RNH1: variants seen among roughly 807,000 people sequenced by gnomAD.
RNH1 encodes ribonuclease/angiogenin inhibitor 1, also known as ribonuclease inhibitor.
A neutral mutation model predicts 46.1 loss-of-function variants in RNH1; 38 were observed. That is an observed-to-expected ratio of 0.82 (90% CI 0.64 to 1.08). The LOEUF is 1.08. RNH1 is among the 50% of genes least tolerant of loss of function. The probability of loss-of-function intolerance (pLI) is 0.00; values close to 1 mark genes in which losing one functional copy is unlikely to be tolerated. For synonymous variants in RNH1, 319 were observed against 279.1 expected, an observed-to-expected ratio of 1.14 and a Z score of -1.43; for missense variants, 577 against 590.7, an observed-to-expected ratio of 0.98 and a Z score of 0.24.
chr11:496,601 G>A (rs190662478), intron 9 of RNH1, among the ~76,000 whole-genome samples: 85 of 152,214 alleles, frequency 5.6e-4, no homozygotes, highest in Non-Finnish European at 3.2e-4. Flanking sequence ...CTTGGGAGGC[G>A]GAGCTTGCAG....
intron 9 of RNH1, among the ~76,000 whole-genome samples, chr11:496,625 C>T (rs1254646803): frequency 1.3e-5 from 2 of 152,080 alleles, no homozygotes; most frequent in Admixed American, 6.6e-5. Flanking sequence ...GCCAAGATCG[C>T]ACCACTGCAC....
In RNH1 at chr11:495,074, G is replaced by A. The variant is rs111733399; in HGVS notation, c.1128-21C>T. 1.6e-3 allele frequency: 2,629 copies of A among 1,597,616 alleles called. 56 individuals carry two copies. The African/African-American group carries it at 0.03, about 18-fold the overall frequency. On this transcript the variant is annotated intron_variant, in intron 9 of 10. Coordinates refer to ENST00000354420, the MANE Select transcript of RNH1 (RefSeq NM_203387.3). Reference sequence around the variant, plus strand: ...CCAACCTGGGTGAAGCAGGGCGGGGGTCAGGGTGCCGGGCGTGCCTGGCAC... The same window carrying A: ...CCAACCTGGGTGAAGCAGGGCGGGGATCAGGGTGCCGGGCGTGCCTGGCAC...
At position 494,657 on chromosome 11, in the gene RNH1, C is replaced by G; in HGVS notation, c.*34G>C. Reference sequence around the variant, plus strand: ...GTGGGCCCCAGGGTTGCCTCGAGGCCGGTCGTCCAGGGAGAGCAGCAGCAG... The same window carrying G: ...GTGGGCCCCAGGGTTGCCTCGAGGCGGGTCGTCCAGGGAGAGCAGCAGCAG... On this transcript the variant is annotated 3_prime_UTR_variant, in exon 11 of 11. Coordinates refer to ENST00000354420, the MANE Select transcript of RNH1 (RefSeq NM_203387.3). The G allele has an allele frequency of 6.2e-7, 1 of 1,603,722 alleles. No individual in the cohort carries two copies. Among genetic ancestry groups the G allele is most frequent in the South Asian group, 1.1e-5 (1 of 90,896 alleles).
In RNH1 at chr11:500,223, G is replaced by A. The variant is rs1849618570; in HGVS notation, c.273-224C>T. ...GTCTGCAGACACACCTTTCAGTGGG[G>A]GTCTGTGGTGATGCTGGAAGGCTAG... On this transcript the variant is annotated intron_variant, in intron 4 of 10. Coordinates refer to ENST00000354420, the MANE Select transcript of RNH1 (RefSeq NM_203387.3). 3.0e-5 allele frequency: 20 copies of A among 661,810 alleles called. No individual in the cohort carries two copies. In the East Asian group the frequency reaches 5.2e-4, roughly 17 times the overall value. The allele number at this position is 661,810 out of a possible 1,614,324, so 41.0% of individuals were successfully genotyped here.
intron 5 of RNH1, 73 bp from the exon 6 acceptor site, chr11:499,258 G>T: frequency 1.3e-6 from 2 of 1,519,304 alleles, no homozygotes; most frequent in Non-Finnish European, 1.8e-6. Flanking sequence ...GGAGCACGGG[G>T]TGTGCTGGTG....
Position 494,533 on chromosome 11 carries a change from A to G in RNH1, c.*158T>C. On this transcript the variant is annotated 3_prime_UTR_variant, in exon 11 of 11. Coordinates refer to ENST00000354420, the MANE Select transcript of RNH1 (RefSeq NM_203387.3). ...CCTCTCCTGCCAAGAAAGTGCTTTA[A>G]TGATTATAAAGTGTCCAAAATATAC... 2 of 700,614 alleles carry G rather than the reference A, an allele frequency of 2.9e-6. No homozygotes were observed. The highest frequency in any genetic ancestry group is 4.9e-6 in the Non-Finnish European group (2 of 405,582). 43.4% of individuals were successfully genotyped at this position (700,614 alleles called of 1,614,324 possible).
intron 9 of RNH1, 52 bp from the exon 10 acceptor site, chr11:495,105 T>A (rs1337529675): frequency 6.4e-7 from 1 of 1,552,326 alleles, no homozygotes; most frequent in African/African-American, 1.4e-5. Context: ...GGCACCGCAC[T>A]GACCGGCAGA....
Position 500,447 on chromosome 11 carries a change from T to C in RNH1, c.272+37A>G, listed in dbSNP as rs200547007. The C allele has an allele frequency of 1.3e-4, 201 of 1,581,532 alleles. No homozygotes were observed. In the African/African-American group the frequency reaches 1.8e-3, roughly 15 times the overall value. On this transcript the variant is annotated intron_variant, in intron 4 of 10. Coordinates refer to ENST00000354420, the MANE Select transcript of RNH1 (RefSeq NM_203387.3). ...CTGCTGCCGGGCTACCAAAGCAGAC[T>C]GCACCAGGCCAGAGGCAGTGCCAGG...
At chr11:496,624 G>A (rs1481798348) in intron 9 of RNH1, among the ~76,000 whole-genome samples, 1 of 152,050 alleles carries the variant, frequency 6.6e-6, no homozygotes, top group Non-Finnish European at 1.5e-5. Context: ...AGCCAAGATC[G>A]CACCACTGCA....
chr11:502,123 C>A lies in RNH1; in HGVS notation c.40G>T (p.Glu14Ter), dbSNP rs928623580. The change falls in exon 3 of 11, where the codon GAG becomes TAG. Residue 14 changes from glutamate (E) to a stop codon, truncating the protein, a stop_gained. Transcript: ENST00000354420. LOFTEE classifies it high-confidence loss of function. This position sits in a 1 kb window ranked among gnomAD's most constrained non-coding sequence, Gnocchi z 5.8. ...DIQSLDIQCE[E>*]LSDARWAELL... ...TCGGCCCATCTAGCGTCGCTCAGCT[C>A]CTCACACTGGATGTCCAGGCTCTGG... 6 of 1,611,760 alleles carry A rather than the reference C, an allele frequency of 3.7e-6. No homozygotes were observed. The highest frequency in any genetic ancestry group is 5.1e-6 in the Non-Finnish European group (6 of 1,179,280).
chr11:502,013 G>A lies in RNH1; in HGVS notation c.101+49C>T, dbSNP rs7930593. ...CACCCTTCAGAGGGAGCCGCCACCC[G>A]CCAGCCTGCCCCACCAGCACCCCAA... is the stretch of plus-strand genomic sequence containing the variant. On this transcript the variant is annotated intron_variant, in intron 3 of 10. Coordinates refer to ENST00000354420, the MANE Select transcript of RNH1 (RefSeq NM_203387.3). The surrounding 1 kb of genome is among the most constrained non-coding windows in gnomAD (Gnocchi z 5.8). 475,370 of 1,406,156 alleles carry A rather than the reference G, an allele frequency of 0.34. 81,684 individuals are homozygous for A. Among genetic ancestry groups the A allele is most frequent in the Admixed American group, 0.4 (21,790 of 54,100 alleles). The allele number at this position is 1,406,156 out of a possible 1,614,324, so 87.1% of individuals were successfully genotyped here.
chr11:501,785 G>C lies in RNH1; in HGVS notation c.101+277C>G. On this transcript the variant is annotated intron_variant, in intron 3 of 10. Coordinates refer to ENST00000354420, the MANE Select transcript of RNH1 (RefSeq NM_203387.3). The surrounding 1 kb of genome is among the most constrained non-coding windows in gnomAD (Gnocchi z 4.1). ...CCCTCGTGTCTCCAAGGGAGGGAGAGGAGCTGAGACACCGGAGCCAGAGAC... is the reference window on the plus strand; with the variant it reads ...CCCTCGTGTCTCCAAGGGAGGGAGACGAGCTGAGACACCGGAGCCAGAGAC... The C allele has an allele frequency of 2.0e-6, 1 of 491,244 alleles. No homozygotes were observed. Among genetic ancestry groups the C allele is most frequent in the Non-Finnish European group, 3.7e-6 (1 of 269,410 alleles). 30.4% of individuals were successfully genotyped at this position (491,244 alleles called of 1,614,324 possible).
Position 498,506 on chromosome 11 carries a change from G to A in RNH1, c.907C>T (p.Leu303=). The A allele has an allele frequency of 6.2e-7, 1 of 1,613,236 alleles. No individual in the cohort carries two copies. Among genetic ancestry groups the A allele is most frequent in the Non-Finnish European group, 8.5e-7 (1 of 1,179,996 alleles). ...GNELGDEGAR[L]LCETLLEPGC... ...GGTTCCAGCAGGGTCTCACACAGCA[G>A]TCGGGCACCCTCATCCCCCAGCTCG... The change falls in exon 8 of 11, where the codon CTG becomes TTG. Residue 303 remains leucine (L), a synonymous_variant. Coordinates refer to ENST00000354420, the MANE Select transcript of RNH1 (RefSeq NM_203387.3).
chr11:497,449 TCACA>T (rs758573615), intron 9 of RNH1, among the ~76,000 whole-genome samples: 10 of 130,062 alleles, frequency 7.7e-5, no homozygotes, highest in South Asian at 5.0e-4. Flanking sequence ...GCCCATGTGC[TCACA>T]CACACTCGTG....
chr11:498,385 C>G, intron 8 of RNH1, 72 bp downstream of exon 8: 8 of 1,567,072 alleles, frequency 5.1e-6, no homozygotes, highest in Non-Finnish European at 6.9e-6. Flanking sequence ...GTCGCTCACT[C>G]CTCCCCTGGT....
chr11:504,365 A>T (rs1348863214), intron 2 of RNH1: 1 of 152,894 alleles, frequency 6.5e-6, no homozygotes, highest in Non-Finnish European at 1.5e-5. Flanking sequence ...TCACAAAAAC[A>T]CGAAGGGGGT....
intron 2 of RNH1, among the ~76,000 whole-genome samples, chr11:503,737 C>G (rs1406896590): frequency 1.3e-5 from 2 of 152,174 alleles, no homozygotes; most frequent in Non-Finnish European, 2.9e-5. Flanking sequence ...CCAGGGTGTC[C>G]TCCTCCTGGG....
intron 9 of RNH1, among the ~76,000 whole-genome samples, chr11:496,718 C>T (rs1435057739): frequency 6.6e-6 from 1 of 152,354 alleles, no homozygotes; most frequent in South Asian, 2.1e-4. Context: ...ATGCTATACC[C>T]GGCTAAATGA....
rs184464465 is a variant in RNH1 at position 501,547 on chromosome 11, C to A, written c.101+515G>T. 231 of 160,040 alleles carry A rather than the reference C, an allele frequency of 1.4e-3. 3 individuals are homozygous for A. Among genetic ancestry groups the A allele is most frequent in the Non-Finnish European group, 2.4e-3 (177 of 72,348 alleles). 9.9% of individuals were successfully genotyped at this position (160,040 alleles called of 1,614,324 possible). On this transcript the variant is annotated intron_variant, in intron 3 of 10. Coordinates refer to ENST00000354420, the MANE Select transcript of RNH1 (RefSeq NM_203387.3). The surrounding 1 kb of genome is among the most constrained non-coding windows in gnomAD (Gnocchi z 4.1). ...ACAGGACCACCTCACCAGGGAGCCC[C>A]GTCCGGTCCTCGTAACTCCTCCGCA...
Sources: allele counts gnomAD v4.1 joint callset (sites outside exome capture counted in the v4.1 genomes callset), GRCh38; gene constraint gnomAD v4.1.1; non-coding constraint Gnocchi (gnomAD v3.1); transcripts MANE v1.5; gene names NCBI Gene and HGNC (gene_info 2026-07-23, HGNC 2026-07-21).